PCSK6: variants seen among roughly 807,000 people sequenced by gnomAD.
The protein encoded by PCSK6 is paired basic amino acid cleaving enzyme 4.
PCSK6 carries 85 observed loss-of-function variants against 123.3 expected under a neutral mutation model. The ratio of observed to expected loss-of-function variants is 0.69; its 90% CI spans 0.58 to 0.83. The LOEUF is 0.83. Ranked by LOEUF, PCSK6 falls within the 40% of genes least tolerant of loss-of-function variation. The pLI is 0.00. For synonymous variants in PCSK6, 508 were observed against 516.0 expected, an observed-to-expected ratio of 0.98 and a Z score of 0.21; for missense variants, 1,191 against 1,282.3, an observed-to-expected ratio of 0.93 and a Z score of 1.09.
intron 1 of PCSK6, among the ~76,000 whole-genome samples, chr15:101,480,138 C>T (rs2057836853): frequency 6.6e-6 from 1 of 152,206 alleles, no homozygotes. Context: ...TCACTCAGAG[C>T]TTCGGTAGTC....
intron 18 of PCSK6, among the ~76,000 whole-genome samples, chr15:101,322,169 G>C (rs958882741): frequency 1.3e-5 from 2 of 152,172 alleles, no homozygotes; most frequent in East Asian, 3.9e-4. Flanking sequence ...GAGAGGGTGG[G>C]TGAGCCGCTA....
chr15:101,368,360 C>T (rs2041463441), intron 12 of PCSK6, among the ~76,000 whole-genome samples: 1 of 152,168 alleles, frequency 6.6e-6, no homozygotes, highest in African/African-American at 2.4e-5. Context: ...CGTAGGGCAA[C>T]CAGGCCCCTG....
chr15:101,392,948 A>G (rs942938488), intron 8 of PCSK6, among the ~76,000 whole-genome samples: 2 of 152,186 alleles, frequency 1.3e-5, no homozygotes, highest in Non-Finnish European at 2.9e-5. Flanking sequence ...TTCTTAAATA[A>G]TATTTTTAGA....
At chr15:101,394,511 G>A (rs551067148) in intron 7 of PCSK6, among the ~76,000 whole-genome samples, 3 of 152,292 alleles carry the variant, frequency 2.0e-5, no homozygotes, top group East Asian at 3.9e-4. Context: ...CAGCTGGCCC[G>A]AGAGAAGGGC....
At chr15:101,384,266 C>G in intron 10 of PCSK6, 56 bp downstream of exon 10, 1 of 1,583,184 alleles carries the variant, frequency 6.3e-7, no homozygotes, top group Admixed American at 1.7e-5. Flanking sequence ...TTCATGACAC[C>G]CCTTCCTACA....
chr15:101,368,653 G>C (rs898212209), intron 12 of PCSK6, among the ~76,000 whole-genome samples: 1 of 152,144 alleles, frequency 6.6e-6, no homozygotes, highest in Non-Finnish European at 1.5e-5. Context: ...TGAGTCAGGG[G>C]TCACAAACCT....
intron 18 of PCSK6, among the ~76,000 whole-genome samples, chr15:101,320,318 T>C (rs2040090143): frequency 6.6e-6 from 1 of 152,150 alleles, no homozygotes; most frequent in African/African-American, 2.4e-5. Context: ...ACTCCTAGCC[T>C]CAAGTGATCT....
At position 101,331,840 on chromosome 15, in the gene PCSK6, C is replaced by G. The variant is rs1298177485; in HGVS notation, c.2038+12G>C. The G allele has an allele frequency of 1.2e-6, 2 of 1,611,608 alleles. No individual in the cohort carries two copies. The highest frequency in any genetic ancestry group is 1.7e-6 in the Non-Finnish European group (2 of 1,178,256). On this transcript the variant is annotated intron_variant, in intron 14 of 21. Transcript: ENST00000611716. ...GGAAGCTGGCCGTCTCCTCTTACTT[C>G]AGGCTCATTACCTGTGTAATCTTCC...
At chr15:101,349,968 G>A (rs1342190123) in intron 13 of PCSK6, among the ~76,000 whole-genome samples, 3 of 151,990 alleles carry the variant, frequency 2.0e-5, no homozygotes, top group Non-Finnish European at 2.9e-5. Context: ...GAGTGCAGTG[G>A]CACAATCTCG....
At chr15:101,488,052 G>A (rs996385969) in intron 1 of PCSK6, among the ~76,000 whole-genome samples, 5 of 152,112 alleles carry the variant, frequency 3.3e-5, no homozygotes, top group Admixed American at 6.5e-5. Context: ...TCGAATGGTG[G>A]AATCCACCCC....
At chr15:101,325,443 C>G (rs541010812) in intron 16 of PCSK6, among the ~76,000 whole-genome samples, 1 of 152,148 alleles carries the variant, frequency 6.6e-6, no homozygotes, top group Non-Finnish European at 1.5e-5. Context: ...CCAGTGAGTG[C>G]GCTGTGGCTG....
intron 2 of PCSK6, among the ~76,000 whole-genome samples, chr15:101,436,188 G>A (rs369330698): frequency 3.9e-4 from 60 of 152,326 alleles, no homozygotes; most frequent in African/African-American, 1.3e-3. Context: ...AAGGCCCCTA[G>A]AAGTTCTTGG....
rs755195704 is a variant in PCSK6 at position 101,384,350 on chromosome 15, G to C, written c.1386C>G (p.Asp462Glu). ...TSRPAHLKAS[D>E]WKVNGAGHKV... is the part of the protein sequence containing the mutation. ...TATGACCCGCGCCGTTCACTTTCCA[G>C]TCGCTCGCTTTCAGGTGGGCCGGCC... The change falls in exon 10 of 22, where the codon GAC (aspartate) becomes GAG (glutamate). Residue 462 changes from aspartate (D) to glutamate (E), a missense_variant. Physicochemically the swap from Asp to Glu is conservative, Grantham distance 45 (BLOSUM62 2). Coordinates refer to ENST00000611716, the MANE Select transcript of PCSK6 (RefSeq NM_002570.5). 1.2e-6 allele frequency: 2 copies of C among 1,613,798 alleles called. No homozygotes were observed. The highest frequency in any genetic ancestry group is 2.2e-5 in the South Asian group (2 of 91,046).
At chr15:101,313,346 G>A (rs947231380) in intron 20 of PCSK6, 30 bp downstream of exon 20, 4 of 1,612,568 alleles carry the variant, frequency 2.5e-6, no homozygotes, top group African/African-American at 1.3e-5. Context: ...GGACACAGCT[G>A]CCTGCCGTTC....
At chr15:101,425,958 G>A (rs549719105) in intron 6 of PCSK6, among the ~76,000 whole-genome samples, 3 of 152,272 alleles carry the variant, frequency 2.0e-5, no homozygotes, top group East Asian at 1.9e-4. Context: ...ACATTGTGAC[G>A]TGGAGACAAA....
intron 13 of PCSK6, among the ~76,000 whole-genome samples, chr15:101,343,771 C>T (rs1173357215): frequency 6.6e-6 from 1 of 152,212 alleles, no homozygotes; most frequent in Non-Finnish European, 1.5e-5. Context: ...GGCCAATTTT[C>T]ATAAATCTTC....
At chr15:101,432,301 G>GA (rs2056470779) in intron 2 of PCSK6, among the ~76,000 whole-genome samples, 1 of 152,022 alleles carries the variant, frequency 6.6e-6, no homozygotes, top group African/African-American at 2.4e-5. Context: ...TACAGAGGAA[G>GA]AAATAACACC....
intron 2 of PCSK6, among the ~76,000 whole-genome samples, chr15:101,433,917 TCGTCTATAAAACACCAG>T (rs1339690070): frequency 1.3e-5 from 2 of 152,120 alleles, no homozygotes; most frequent in African/African-American, 4.8e-5. Context: ...CCGATGTAAT[TCGTCTATAAAACACCAG>T]CAGACCAGAC....
At chr15:101,313,770 G>A (rs1004238139) in intron 19 of PCSK6, 8 of 409,842 alleles carry the variant, frequency 2.0e-5, no homozygotes, top group East Asian at 9.0e-5. Context: ...GCCGTGCCAC[G>A]ATGATGGGCC....
Sources: allele counts gnomAD v4.1 joint callset (sites outside exome capture counted in the v4.1 genomes callset), GRCh38; gene constraint gnomAD v4.1.1; transcripts MANE v1.5; gene names NCBI Gene and HGNC (gene_info 2026-07-23, HGNC 2026-07-21).